PLPP3: variants seen among roughly 807,000 people sequenced by gnomAD.
The protein encoded by PLPP3 is phospholipid phosphatase 3, also known as PAP2 beta.
PLPP3 carries 6 observed loss-of-function variants against 29.6 expected under a neutral mutation model. The ratio of observed to expected loss-of-function variants is 0.20; its 90% CI spans 0.11 to 0.40. PLPP3 has a LOEUF of 0.40. PLPP3 is among the 10% of genes least tolerant of loss of function. The pLI is 1.00. For missense variants in PLPP3, 308 were observed against 407.7 expected, an observed-to-expected ratio of 0.76 and a Z score of 2.11; for synonymous variants, 152 against 159.7, an observed-to-expected ratio of 0.95 and a Z score of 0.36.
chr1:56,496,986 T>C (rs1645635038), intron 5 of PLPP3, among the ~76,000 whole-genome samples: 1 of 152,126 alleles, frequency 6.6e-6, no homozygotes, highest in African/African-American at 2.4e-5. Flanking sequence ...GGCAAACGAA[T>C]AGCAATGAAA....
At chr1:56,499,946 AGCC>A (rs1645656092) in intron 5 of PLPP3, among the ~76,000 whole-genome samples, 2 of 152,196 alleles carry the variant, frequency 1.3e-5, no homozygotes, top group African/African-American at 4.8e-5. Flanking sequence ...ACCCACTGCC[AGCC>A]CACAATCCTA....
At position 56,546,437 on chromosome 1, in the gene PLPP3, C is replaced by T. The variant is rs569072679; in HGVS notation, c.140-9325G>A. On this transcript the variant is annotated intron_variant, in intron 1 of 5. Transcript: ENST00000371250. ...TGAAAATAGAAATAACTCTTGATGC[C>T]GTAATGTCTCCCATAGTAAGTAATG... Among the ~76,000 whole-genome samples the T allele has an allele frequency of 1.2e-4, 18 of 152,208 alleles. 1 individual carries two copies. The South Asian group carries it at 3.5e-3, about 30-fold the overall frequency.
intron 5 of PLPP3, among the ~76,000 whole-genome samples, chr1:56,500,121 ACT>A (rs1031889555): frequency 2.0e-5 from 3 of 152,214 alleles, no homozygotes; most frequent in African/African-American, 7.2e-5. Context: ...TTTATAAATT[ACT>A]CTTTTTTTGG....
chr1:56,525,119 T>TA (rs1645844656), intron 2 of PLPP3, among the ~76,000 whole-genome samples: 1 of 152,160 alleles, frequency 6.6e-6, no homozygotes, highest in African/African-American at 2.4e-5. Flanking sequence ...CCTTCAGCAA[T>TA]AATCTACATC....
intron 1 of PLPP3, among the ~76,000 whole-genome samples, chr1:56,573,359 C>A (rs1162091022): frequency 6.6e-6 from 1 of 152,110 alleles, no homozygotes; most frequent in Non-Finnish European, 1.5e-5. Context: ...ATTATCTTTA[C>A]TGAAAAAGAC....
At chr1:56,535,434 A>G (rs963840788) in intron 2 of PLPP3, among the ~76,000 whole-genome samples, 2 of 152,158 alleles carry the variant, frequency 1.3e-5, no homozygotes, top group African/African-American at 4.8e-5. Flanking sequence ...AGCACTATCT[A>G]ATCCATTTTG....
chr1:56,568,920 C>T (rs953389557), intron 1 of PLPP3, among the ~76,000 whole-genome samples: 5 of 151,900 alleles, frequency 3.3e-5, no homozygotes, highest in African/African-American at 4.8e-5. Flanking sequence ...CCACCGCGCC[C>T]GGCCCTGTCA....
rs149734688 is a variant in PLPP3 at position 56,502,046 on chromosome 1, C to G, written c.811-5370G>C. Among the ~76,000 whole-genome samples the G allele has an allele frequency of 1.5e-4, 23 of 152,314 alleles. No individual in the cohort carries two copies. In the East Asian group the frequency reaches 3.5e-3, roughly 23 times the overall value. ...TTCCAGGGAGCACACACAGTCCAGC[C>G]CTGCTGGGGTGCTGCCTGCCTAGAG... On this transcript the variant is annotated intron_variant, in intron 5 of 5. Transcript: ENST00000371250.
At chr1:56,525,778 G>C (rs561423800) in intron 2 of PLPP3, among the ~76,000 whole-genome samples, 21 of 152,156 alleles carry the variant, frequency 1.4e-4, no homozygotes, top group Non-Finnish European at 2.4e-4. Context: ...AGAGGGAAGA[G>C]AGCATGTGCA....
intron 2 of PLPP3, among the ~76,000 whole-genome samples, chr1:56,527,437 A>AAG (rs1459192305): frequency 6.6e-6 from 1 of 152,200 alleles, no homozygotes; most frequent in Non-Finnish European, 1.5e-5. Flanking sequence ...TGACAGAGTT[A>AAG]AGAGTAGAGC....
intron 1 of PLPP3, among the ~76,000 whole-genome samples, chr1:56,556,333 C>A (rs549850483): frequency 9.2e-5 from 14 of 152,012 alleles, no homozygotes; most frequent in Non-Finnish European, 1.9e-4. Flanking sequence ...CACAAAGATA[C>A]AGGAATACTT....
intron 1 of PLPP3, among the ~76,000 whole-genome samples, chr1:56,557,012 G>GAAAAGAA (rs60511169): frequency 2.2e-4 from 2 of 9,124 alleles, no homozygotes; most frequent in East Asian, 2.7e-3. Flanking sequence ...GAAAGAAAGA[G>GAAAAGAA]AGAGAGAGAG....
At chr1:56,532,553 AC>A (rs1159880967) in intron 2 of PLPP3, among the ~76,000 whole-genome samples, 1 of 152,160 alleles carries the variant, frequency 6.6e-6, no homozygotes, top group East Asian at 1.9e-4. Flanking sequence ...TCTTGCAGGT[AC>A]TAAGCTCTTC....
chr1:56,506,176 C>G (rs1645700743), intron 5 of PLPP3, among the ~76,000 whole-genome samples: 2 of 152,138 alleles, frequency 1.3e-5, no homozygotes, highest in Non-Finnish European at 2.9e-5. Flanking sequence ...AAGGAAGAGG[C>G]CTTGCAAATC....
rs981736081 is a variant in PLPP3 at position 56,524,944 on chromosome 1, C to A, written c.298-390G>T. 1.3e-5 allele frequency among the ~76,000 whole-genome samples: 2 copies of A among 152,004 alleles called. No homozygotes were observed. Among genetic ancestry groups the A allele is most frequent in the African/African-American group, 4.8e-5 (2 of 41,386 alleles). ...ATGATGTCACAGGGTCTGAGCAAAT[C>A]TCGAGATTCTGAGATTTGGGGTAAA... On this transcript the variant is annotated intron_variant, in intron 2 of 5. Transcript: ENST00000371250. The surrounding 1 kb of genome is among the most constrained non-coding windows in gnomAD (Gnocchi z 4.3).
intron 1 of PLPP3, among the ~76,000 whole-genome samples, chr1:56,551,065 CTGCACAA>C (rs1359955547): frequency 1.3e-5 from 2 of 152,156 alleles, no homozygotes; most frequent in African/African-American, 4.8e-5. Flanking sequence ...CCCTGTCCTA[CTGCACAA>C]TGTTGTACTC....
chr1:56,554,368 AG>A (rs1646059992), intron 1 of PLPP3, among the ~76,000 whole-genome samples: 3 of 151,998 alleles, frequency 2.0e-5, no homozygotes, highest in Non-Finnish European at 4.4e-5. Context: ...GTTAGGAGAT[AG>A]AGACCATCCT....
At chr1:56,568,649 C>T (rs565537632) in intron 1 of PLPP3, among the ~76,000 whole-genome samples, 3 of 152,134 alleles carry the variant, frequency 2.0e-5, no homozygotes, top group South Asian at 2.1e-4. Flanking sequence ...CTTTTTGAGA[C>T]GAGTCTCGCT....
At chr1:56,551,299 C>CTT (rs1396422800) in intron 1 of PLPP3, among the ~76,000 whole-genome samples, 1 of 138,706 alleles carries the variant, frequency 7.2e-6, no homozygotes, top group Non-Finnish European at 1.6e-5. Flanking sequence ...TGGTTCGGTT[C>CTT]GGTTCGGTTC....
Sources: allele counts gnomAD v4.1 joint callset (sites outside exome capture counted in the v4.1 genomes callset), GRCh38; gene constraint gnomAD v4.1.1; non-coding constraint Gnocchi (gnomAD v3.1); transcripts MANE v1.5; gene names NCBI Gene and HGNC (gene_info 2026-07-23, HGNC 2026-07-21).